Variants in NVL observed in about 807,000 individuals in gnomAD.
The protein encoded by NVL is nuclear VCP like.
NVL carries 84 observed loss-of-function variants against 110.2 expected under a neutral mutation model. That is an observed-to-expected ratio of 0.76 (90% CI 0.64 to 0.91). The LOEUF (loss-of-function observed/expected upper bound fraction) is 0.91. NVL is among the 40% of genes least tolerant of loss of function. The pLI is 0.00. For missense variants in NVL, 882 were observed against 1,035.9 expected, an observed-to-expected ratio of 0.85 and a Z score of 2.04; for synonymous variants, 354 against 361.1, an observed-to-expected ratio of 0.98 and a Z score of 0.22.
intron 18 of NVL, among the ~76,000 whole-genome samples, chr1:224,264,809 C>T (rs924695223): frequency 5.9e-5 from 9 of 151,928 alleles, no homozygotes; most frequent in East Asian, 1.9e-4. Flanking sequence ...GGTGCAATCT[C>T]GGCTCACTGC....
At chr1:224,254,096 T>G (rs1217048258) in intron 18 of NVL, among the ~76,000 whole-genome samples, 1 of 151,290 alleles carries the variant, frequency 6.6e-6, no homozygotes, top group Non-Finnish European at 1.5e-5. Context: ...GTACAACATG[T>G]TTTTTTTTGT....
intron 16 of NVL, among the ~76,000 whole-genome samples, chr1:224,280,363 T>G (rs1487148509): frequency 1.3e-5 from 2 of 152,166 alleles, no homozygotes; most frequent in Non-Finnish European, 2.9e-5. Context: ...ATCCAAACTT[T>G]AGCTTGGTAT....
At chr1:224,270,777 T>C (rs1366197221) in intron 17 of NVL, among the ~76,000 whole-genome samples, 1 of 152,150 alleles carries the variant, frequency 6.6e-6, no homozygotes, top group Non-Finnish European at 1.5e-5. Flanking sequence ...ATAGTCAACC[T>C]CATGGTAATC....
chr1:224,323,117 C>T (rs1415246181), intron 2 of NVL, among the ~76,000 whole-genome samples: 2 of 152,032 alleles, frequency 1.3e-5, no homozygotes, highest in Non-Finnish European at 2.9e-5. Context: ...AAATGAGAAG[C>T]AGGATATTGG....
intron 5 of NVL, 119 bp from the exon 6 acceptor site, chr1:224,308,382 AT>A: frequency 1.1e-6 from 1 of 878,662 alleles, no homozygotes; most frequent in Non-Finnish European, 1.7e-6. Context: ...CTCTCAGAAC[AT>A]TTATAATCAG....
intron 18 of NVL, among the ~76,000 whole-genome samples, chr1:224,257,589 T>G (rs1663433641): frequency 2.0e-5 from 3 of 152,094 alleles, no homozygotes; most frequent in Non-Finnish European, 2.9e-5. Context: ...AGTGCAGTGG[T>G]GTATCATAGC....
Position 224,258,979 on chromosome 1 carries a change from T to TAAAAAAAAAAAAAAAAAAAAAAA in NVL, c.2183-8684_2183-8662dup, listed in dbSNP as rs34767555. On this transcript the variant is annotated intron_variant, in intron 18 of 22. Coordinates refer to ENST00000281701, the MANE Select transcript of NVL (RefSeq NM_002533.4). ...TTAACATGAGACCCTGTCTCTACAT[T>TAAAAAAAAAAAAAAAAAAAAAAA]AAAAAAAAAAAAAAAAAAAAAAAAG... 5.0e-5 allele frequency among the ~76,000 whole-genome samples: 3 copies of TAAAAAAAAAAAAAAAAAAAAAAA among 60,210 alleles called. 1 individual carries two copies. Among genetic ancestry groups the TAAAAAAAAAAAAAAAAAAAAAAA allele is most frequent in the African/African-American group, 1.1e-4 (2 of 18,016 alleles). The allele number at this position is 60,210 out of a possible 152,430, so 39.5% of individuals were successfully genotyped here.
At chr1:224,305,335 CCTT>C (rs1368634103) in intron 6 of NVL, 169 bp from the exon 7 acceptor site, 5 of 630,810 alleles carry the variant, frequency 7.9e-6, no homozygotes, top group Admixed American at 6.4e-5. Flanking sequence ...TTGTGAAAGT[CCTT>C]CTCCTCATTC....
rs1307443960 is a variant in NVL at position 224,294,262 on chromosome 1, T to C, written c.1325+5A>G. 6.2e-7 allele frequency: 1 copy of C among 1,614,122 alleles called. No homozygotes were observed. Among genetic ancestry groups the C allele is most frequent in the Non-Finnish European group, 8.5e-7 (1 of 1,180,022 alleles). On this transcript the variant is annotated splice_donor_5th_base_variant and intron_variant, in intron 12 of 22. Coordinates refer to ENST00000281701, the MANE Select transcript of NVL (RefSeq NM_002533.4). ...GCATACAAACTTCATTCTATAAGAA[T>C]ATACCTTTCCCTGGATGCTTCATCT...
chr1:224,279,860 A>T (rs1341053784), intron 16 of NVL, among the ~76,000 whole-genome samples: 1 of 152,128 alleles, frequency 6.6e-6, no homozygotes, highest in African/African-American at 2.4e-5. Context: ...TTACATTAAA[A>T]ATTTTTTTGG....
At chr1:224,323,315 G>A (rs911222937) in intron 2 of NVL, among the ~76,000 whole-genome samples, 20 of 152,054 alleles carry the variant, frequency 1.3e-4, no homozygotes, top group African/African-American at 4.6e-4. Context: ...ACATAAAGAA[G>A]GAATTGTTCA....
At chr1:224,271,098 G>A (rs992934499) in intron 17 of NVL, among the ~76,000 whole-genome samples, 1 of 152,084 alleles carries the variant, frequency 6.6e-6, no homozygotes, top group African/African-American at 2.4e-5. Flanking sequence ...TCCAAAACAG[G>A]AGAATTATTA....
intron 2 of NVL, among the ~76,000 whole-genome samples, chr1:224,323,788 G>A (rs935077283): frequency 5.9e-5 from 9 of 152,204 alleles, no homozygotes; most frequent in Non-Finnish European, 8.8e-5. Context: ...ACCCTACGGA[G>A]CCCACAGGGC....
At chr1:224,306,391 T>C (rs1452453586) in intron 6 of NVL, among the ~76,000 whole-genome samples, 1 of 152,046 alleles carries the variant, frequency 6.6e-6, no homozygotes, top group East Asian at 1.9e-4. Flanking sequence ...CTCAGCCTCC[T>C]AAGTAGCTGG....
chr1:224,265,596 G>A (rs1664426379), intron 18 of NVL, among the ~76,000 whole-genome samples: 1 of 152,176 alleles, frequency 6.6e-6, no homozygotes, highest in Non-Finnish European at 1.5e-5. Context: ...GGAAACGAAA[G>A]ATTGATGCTG....
intron 19 of NVL, among the ~76,000 whole-genome samples, chr1:224,244,119 G>A (rs1017845872): frequency 1.3e-4 from 19 of 151,694 alleles, no homozygotes; most frequent in Non-Finnish European, 1.9e-4. Flanking sequence ...TATAATCCCA[G>A]CACTTTGGGA....
chr1:224,317,791 A>C lies in NVL; in HGVS notation c.187T>G (p.Phe63Val). Residue 63 changes from phenylalanine (F) to valine (V), a missense_variant and splice_region_variant, in exon 4 of 23, where the codon TTT becomes GTT. Physicochemically the swap from Phe to Val is conservative, Grantham distance 50 (BLOSUM62 -1). Coordinates refer to ENST00000281701, the MANE Select transcript of NVL (RefSeq NM_002533.4). ...TCCTTCTCACTACTAATTATGCTAA[A>C]TACTGAAACAAAAAGAAAAACGCTA... ...NAFRIQVEKV[F>V]SIISSEKELK... 6.3e-7 allele frequency: 1 copy of C among 1,588,198 alleles called. No individual in the cohort carries two copies. Among genetic ancestry groups the C allele is most frequent in the South Asian group, 1.1e-5 (1 of 89,362 alleles).
chr1:224,318,840 T>C lies in NVL; in HGVS notation c.132-910A>G, dbSNP rs1670344433. On this transcript the variant is annotated intron_variant, in intron 2 of 22. Coordinates refer to ENST00000281701, the MANE Select transcript of NVL (RefSeq NM_002533.4). ...CTTCTAAAAATAAAAAAAAAAAAAA[T>C]TAGCCAGGCGTGGTGGTGGGCGCCT... 2.7e-5 allele frequency among the ~76,000 whole-genome samples: 4 copies of C among 150,126 alleles called. No homozygotes were observed. The South Asian group carries it at 6.3e-4, about 24-fold the overall frequency.
intron 18 of NVL, among the ~76,000 whole-genome samples, chr1:224,263,682 C>G (rs1232555480): frequency 6.6e-6 from 1 of 152,182 alleles, no homozygotes; most frequent in African/African-American, 2.4e-5. Flanking sequence ...TCTTACTTCT[C>G]CCATTAAGCT....
Sources: allele counts gnomAD v4.1 joint callset (sites outside exome capture counted in the v4.1 genomes callset), GRCh38; gene constraint gnomAD v4.1.1; transcripts MANE v1.5; gene names NCBI Gene and HGNC (gene_info 2026-07-23, HGNC 2026-07-21).